Variants in IGFBPL1 observed in about 807,000 individuals in gnomAD.
IGFBPL1 encodes the protein insulin-like growth factor-binding protein-like 1.
IGFBPL1 carries 20 observed loss-of-function variants against 23.9 expected under a neutral mutation model. That is an observed-to-expected ratio of 0.84 (90% CI 0.59 to 1.22). The LOEUF (loss-of-function observed/expected upper bound fraction) is 1.22, where lower values mean the gene tolerates loss of function less well. Ranked by LOEUF, IGFBPL1 falls within the 50% of genes most tolerant of loss-of-function variation. The probability of loss-of-function intolerance (pLI) is 0.00; values close to 1 mark genes in which losing one functional copy is unlikely to be tolerated. For missense variants in IGFBPL1, 436 were observed against 379.3 expected (o/e 1.15, Z -1.24); for synonymous variants, 184 against 171.8 (o/e 1.07, Z -0.56).
chr9:38,413,449 T>TCCC (rs1821546687), intron 2 of IGFBPL1, 96 bp from the exon 3 acceptor site: 33 of 750,374 alleles, frequency 4.4e-5, no homozygotes, highest in Middle Eastern at 2.7e-4. Context: ...TTCCTCCTCC[T>TCCC]CCCACTGACT....
intron 3 of IGFBPL1, 137 bp from the exon 4 acceptor site, chr9:38,411,686 A>C (rs80177306): frequency 0.025 from 18,971 of 764,474 alleles, 325 homozygotes; most frequent in African/African-American, 0.061. Context: ...CTCTCCTTGC[A>C]TTGGCTGCCA....
rs1223973377 is a variant in IGFBPL1, at chr9:38,423,976, G to A, written c.449C>T (p.Pro150Leu). The change falls in exon 1 of 5, where the codon CCT becomes CTT. Residue 150 changes from proline (P) to leucine (L), a missense_variant. Coordinates refer to ENST00000377694, the MANE Select transcript of IGFBPL1 (RefSeq NM_001007563.3). The stretch of plus-strand genomic sequence containing the variant: ...CGACCCTGACTCACCGAACTCGCAA[G>A]GGCCGTCGCGCGCCTTGTGCAGGTG... ...PGHLHKARDG[P>L]CEFAPVVVVP... The A allele has an allele frequency of 3.6e-6, 5 of 1,403,720 alleles. No homozygotes were observed. The East Asian group carries it at 1.2e-4, about 34-fold the overall frequency. The allele number at this position is 1,403,720 out of a possible 1,614,324, so 87.0% of individuals were successfully genotyped here.
rs1209489343 is a variant in IGFBPL1 at position 38,406,608 on chromosome 9, G to GGT, written c.*2618_*2619insAC. 5.9e-5 allele frequency among the ~76,000 whole-genome samples: 9 copies of GGT among 152,108 alleles called. No homozygotes were observed. The stretch of plus-strand genomic sequence containing the variant: ...CTACAAAAACGGTAGAAAAACCCAG[G>GGT]TTTGGTGCGGGGAGTGGGGGCATTG... On this transcript the variant is annotated 3_prime_UTR_variant, in exon 5 of 5. Transcript: ENST00000377694.
chr9:38,413,431 C>T, intron 2 of IGFBPL1, 78 bp from the exon 3 acceptor site: 4 of 808,728 alleles, frequency 4.9e-6, no homozygotes, highest in South Asian at 3.1e-5. Flanking sequence ...GCTTCCTTGC[C>T]CTCCTCCTTC....
chr9:38,416,843 T>TA (rs138715661), intron 1 of IGFBPL1, among the ~76,000 whole-genome samples: 8,975 of 148,718 alleles, frequency 0.06, 322 homozygotes, highest in Non-Finnish European at 0.088. Context: ...CCCAGATAAT[T>TA]AAAAAAAATT....
In IGFBPL1 at chr9:38,406,953, A is replaced by C. The variant is rs1021279790; in HGVS notation, c.*2274T>G. Among the ~76,000 whole-genome samples the C allele has an allele frequency of 2.0e-5, 3 of 152,188 alleles. No individual in the cohort carries two copies. The highest frequency in any genetic ancestry group is 7.2e-5 in the African/African-American group (3 of 41,444). ...GAGGTGAGTCAACTGAGTTTGCAAAATGTGCTTATTAGCAGGTGTGGGATG... is the reference window on the plus strand; with the variant it reads ...GAGGTGAGTCAACTGAGTTTGCAAACTGTGCTTATTAGCAGGTGTGGGATG... On this transcript the variant is annotated 3_prime_UTR_variant, in exon 5 of 5. Transcript: ENST00000377694.
rs182095963 is a variant in IGFBPL1, at chr9:38,409,449, T to C, written c.*10-232A>G. 3.9e-4 allele frequency among the ~76,000 whole-genome samples: 59 copies of C among 152,246 alleles called. No homozygotes were observed. The South Asian group carries it at 9.2e-3, about 24-fold the overall frequency. On this transcript the variant is annotated intron_variant, in intron 4 of 4. Transcript: ENST00000377694. ...CAGCTTAATAAGATCTTTTCAACCA[T>C]TGGAAAATCCACAGATGGCTCTCAG...
chr9:38,412,225 C>T (rs940487221), intron 3 of IGFBPL1, among the ~76,000 whole-genome samples: 7 of 152,294 alleles, frequency 4.6e-5, no homozygotes, highest in African/African-American at 9.6e-5. Flanking sequence ...CGCTGGTGTA[C>T]GCACATCAGC....
chr9:38,420,260 C>T (rs187406837), intron 1 of IGFBPL1, among the ~76,000 whole-genome samples: 8 of 152,320 alleles, frequency 5.3e-5, no homozygotes, highest in African/African-American at 9.6e-5. Flanking sequence ...TACCAGGCCT[C>T]GGCCCTATGG....
At chr9:38,418,654 T>C (rs1397840174) in intron 1 of IGFBPL1, among the ~76,000 whole-genome samples, 1 of 152,182 alleles carries the variant, frequency 6.6e-6, no homozygotes, top group African/African-American at 2.4e-5. Flanking sequence ...ATGATGTGGC[T>C]TGCAGGAGGG....
chr9:38,410,254 G>A (rs1039070652), intron 4 of IGFBPL1, among the ~76,000 whole-genome samples: 6 of 152,096 alleles, frequency 3.9e-5, no homozygotes, highest in South Asian at 2.1e-4. Flanking sequence ...ATGCCAAGGC[G>A]GGCGGATCAT....
At chr9:38,413,967 CATAT>C (rs1476837264) in intron 2 of IGFBPL1, 123 bp downstream of exon 2, 3 of 663,360 alleles carry the variant, frequency 4.5e-6, no homozygotes, top group Non-Finnish European at 5.4e-6. Context: ...CCTATAAAGG[CATAT>C]ATATATAAAC....
chr9:38,420,149 CCAAAGTG>C (rs1379152424), intron 1 of IGFBPL1, among the ~76,000 whole-genome samples: 2 of 152,166 alleles, frequency 1.3e-5, no homozygotes, highest in East Asian at 3.9e-4. Flanking sequence ...CCTCAGCCTC[CCAAAGTG>C]CAGAATGAAG....
chr9:38,421,284 CAAAAAAAAAAA>C (rs35342818), intron 1 of IGFBPL1, among the ~76,000 whole-genome samples: 5 of 91,554 alleles, frequency 5.5e-5, no homozygotes, highest in Admixed American at 1.3e-4. Context: ...GACCCTGTCT[CAAAAAAAAAAA>C]AAAAAAAAAA....
chr9:38,411,318 A>G lies in IGFBPL1; in HGVS notation c.*9+73T>C, dbSNP rs1821509986. 3.1e-6 allele frequency: 4 copies of G among 1,306,866 alleles called. No individual in the cohort carries two copies. The Admixed American group carries it at 7.0e-5, about 23-fold the overall frequency. 81.0% of individuals were successfully genotyped at this position (1,306,866 alleles called of 1,614,324 possible). A position where few individuals can be genotyped will look rare whatever the true frequency, so the allele number is the denominator to read the frequency against. On this transcript the variant is annotated intron_variant, in intron 4 of 4. Transcript: ENST00000377694. ...TTTACGTATTTTTCTTCTTTTTTTT[A>G]CAGGTCTTATAAGCCACCTCAAATA...
intron 1 of IGFBPL1, among the ~76,000 whole-genome samples, chr9:38,414,802 CAAATCAGG>C (rs1431233258): frequency 6.6e-6 from 1 of 152,146 alleles, no homozygotes; most frequent in Non-Finnish European, 1.5e-5. Flanking sequence ...CAAGCCTGGG[CAAATCAGG>C]GAATCAGGGA....
In IGFBPL1 at chr9:38,408,594, G is replaced by A. The variant is rs1457134259; in HGVS notation, c.*633C>T. Reference sequence around the variant, plus strand: ...AAGAGCTACAGCCAGCTGTCCACACGTTGGGGTAAAGCAATGGAATTTGTT... The same window carrying A: ...AAGAGCTACAGCCAGCTGTCCACACATTGGGGTAAAGCAATGGAATTTGTT... On this transcript the variant is annotated 3_prime_UTR_variant, in exon 5 of 5. Transcript: ENST00000377694. Among the ~76,000 whole-genome samples, 1 of 152,160 alleles carries A rather than the reference G, an allele frequency of 6.6e-6. No individual in the cohort carries two copies. Among genetic ancestry groups the A allele is most frequent in the Non-Finnish European group, 1.5e-5 (1 of 68,032 alleles).
At position 38,411,255 on chromosome 9, in the gene IGFBPL1, T is replaced by A. The variant is rs1173591168; in HGVS notation, c.*9+136A>T. On this transcript the variant is annotated intron_variant, in intron 4 of 4. Coordinates refer to ENST00000377694, the MANE Select transcript of IGFBPL1 (RefSeq NM_001007563.3). ...GGATTCTACTGCTCATCTAAGTATG[T>A]CCCTACTCTTCTTTTGCTCTTTCCC... The A allele has an allele frequency of 5.9e-6, 4 of 677,384 alleles. No individual in the cohort carries two copies. In the East Asian group the frequency reaches 1.1e-4, roughly 19 times the overall value. 42.0% of individuals were successfully genotyped at this position (677,384 alleles called of 1,614,324 possible). A position where few individuals can be genotyped will look rare whatever the true frequency, so the allele number is the denominator to read the frequency against.
At position 38,406,542 on chromosome 9, in the gene IGFBPL1, T is replaced by C. The variant is rs570388126; in HGVS notation, c.*2685A>G. ...ACCACAAAGACTGTCCTTAAAAACA[T>C]TTATTTTTTTCAGGGTGCAGGGGTC... On this transcript the variant is annotated 3_prime_UTR_variant, in exon 5 of 5. Transcript: ENST00000377694. Among the ~76,000 whole-genome samples the C allele has an allele frequency of 1.3e-5, 2 of 152,242 alleles. No individual in the cohort carries two copies. The highest frequency in any genetic ancestry group is 1.5e-5 in the Non-Finnish European group (1 of 68,024).
Sources: allele counts gnomAD v4.1 joint callset (sites outside exome capture counted in the v4.1 genomes callset), GRCh38; gene constraint gnomAD v4.1.1; transcripts MANE v1.5; gene names NCBI Gene and HGNC (gene_info 2026-07-23, HGNC 2026-07-21).